The following CEP131 variants were observed in gnomAD, a reference collection of about 807,000 sequenced individuals.
The protein encoded by CEP131 is centrosomal protein of 131 kDa.
A neutral mutation model predicts 136.8 loss-of-function variants in CEP131; 99 were observed. The ratio of observed to expected loss-of-function variants is 0.72; its 90% CI spans 0.62 to 0.86. CEP131 has a LOEUF of 0.86. Ranked by LOEUF, CEP131 falls within the 40% of genes least tolerant of loss-of-function variation. The probability of loss-of-function intolerance (pLI) is 0.00; values close to 1 mark genes in which losing one functional copy is unlikely to be tolerated. For synonymous variants in CEP131, 646 were observed against 612.7 expected, an observed-to-expected ratio of 1.05 and a Z score of -0.80; for missense variants, 1,459 against 1,463.0, an observed-to-expected ratio of 1.00 and a Z score of 0.04.
intron 1 of CEP131, among the ~76,000 whole-genome samples, chr17:81,222,440 G>T (rs2062408217): frequency 6.6e-6 from 1 of 152,178 alleles, no homozygotes; most frequent in Non-Finnish European, 1.5e-5. Flanking sequence ...GCCGGGACTG[G>T]ACTCCATGTT....
chr17:81,212,633 T>C (rs1323510253), intron 2 of CEP131, among the ~76,000 whole-genome samples: 1 of 151,304 alleles, frequency 6.6e-6, no homozygotes, highest in Non-Finnish European at 1.5e-5. Context: ...GCATTGGTGG[T>C]GTTCTTCCCA....
At chr17:81,194,285 C>G (rs763696800) in intron 17 of CEP131, among the ~76,000 whole-genome samples, 158 bp from the exon 18 acceptor site, 1 of 152,170 alleles carries the variant, frequency 6.6e-6, no homozygotes, top group Non-Finnish European at 1.5e-5. Flanking sequence ...TTGACGCCCA[C>G]GAGGTGGGGA....
At chr17:81,209,454 G>A (rs1201597796) in intron 2 of CEP131, among the ~76,000 whole-genome samples, 1 of 152,250 alleles carries the variant, frequency 6.6e-6, no homozygotes, top group Non-Finnish European at 1.5e-5. Flanking sequence ...CTAAGGAGAC[G>A]CAACCAAGAC....
In CEP131 at chr17:81,194,137, G is replaced by A. The variant is rs774509460; in HGVS notation, c.2120-10C>T. On this transcript the variant is annotated splice_polypyrimidine_tract_variant and intron_variant, in intron 17 of 25. Transcript: ENST00000450824. ...ATCTCGGGCTCCAGACCTGGGGGCGGGGCACCAGCTAGGGCCACGTCCAGC... is the reference window on the plus strand; with the variant it reads ...ATCTCGGGCTCCAGACCTGGGGGCGAGGCACCAGCTAGGGCCACGTCCAGC... 3.3e-6 allele frequency: 5 copies of A among 1,511,766 alleles called. No homozygotes were observed. Among genetic ancestry groups the A allele is most frequent in the Non-Finnish European group, 4.4e-6 (5 of 1,131,536 alleles). The allele number at this position is 1,511,766 out of a possible 1,614,324, so 93.6% of individuals were successfully genotyped here.
intron 18 of CEP131, among the ~76,000 whole-genome samples, 169 bp downstream of exon 18, chr17:81,193,757 T>C (rs1198999758): frequency 6.6e-6 from 1 of 152,170 alleles, no homozygotes; most frequent in Non-Finnish European, 1.5e-5. Flanking sequence ...CTGGCCCGGC[T>C]GAGGCTGGGC....
At position 81,196,809 on chromosome 17, in the gene CEP131, G is replaced by A. The variant is rs918852056; in HGVS notation, c.1791C>T (p.Leu597=). Residue 597 remains leucine (L), a synonymous_variant, in exon 15 of 26, where the codon CTC becomes CTT. Coordinates refer to ENST00000450824, the MANE Select transcript of CEP131 (RefSeq NM_014984.4). ...LQRALAQQRD[L]TARRVKETEK... Reference sequence around the variant, plus strand: ...CTGTCTCCTTGACCCGCCGGGCCGTGAGGTCTCGCTGCTGCGCCTGCAGGG... The same window carrying A: ...CTGTCTCCTTGACCCGCCGGGCCGTAAGGTCTCGCTGCTGCGCCTGCAGGG... 3.8e-6 allele frequency: 6 copies of A among 1,593,412 alleles called. No individual in the cohort carries two copies. Among genetic ancestry groups the A allele is most frequent in the Non-Finnish European group, 5.1e-6 (6 of 1,171,446 alleles).
At chr17:81,218,785 T>C (rs2062316567) in intron 2 of CEP131, among the ~76,000 whole-genome samples, 1 of 152,134 alleles carries the variant, frequency 6.6e-6, no homozygotes, top group African/African-American at 2.4e-5. Context: ...AGGAATAACT[T>C]TTTCAAGGAG....
intron 8 of CEP131, 148 bp downstream of exon 8, chr17:81,200,181 C>G: frequency 1.5e-6 from 1 of 688,490 alleles, no homozygotes; most frequent in Non-Finnish European, 2.4e-6. Flanking sequence ...TCCGCGGGGA[C>G]CCAGGGTCAA....
intron 6 of CEP131, among the ~76,000 whole-genome samples, chr17:81,202,999 A>G (rs2061927748): frequency 6.6e-6 from 1 of 152,134 alleles, no homozygotes; most frequent in African/African-American, 2.4e-5. Flanking sequence ...AAAGTTCCCA[A>G]AAGTCACAGG....
chr17:81,194,916 C>T lies in CEP131; in HGVS notation c.2073G>A (p.Lys691=). Residue 691 remains lysine (K), a synonymous_variant, in exon 17 of 26, where the codon AAG becomes AAA. Transcript: ENST00000450824. ...TCTTCTTGGTTTTCTCACTGATCCA[C>T]TTCTCCCGGCGGGCTTTCTCGGTGG... ...MSATEKARRE[K]WISEKTKKIK... is the part of the protein sequence containing the mutation. 6.2e-7 allele frequency: 1 copy of T among 1,613,536 alleles called. No homozygotes were observed. Among genetic ancestry groups the T allele is most frequent in the Non-Finnish European group, 8.5e-7 (1 of 1,179,996 alleles).
In CEP131 at chr17:81,196,494, G is replaced by A. The variant is rs147098837; in HGVS notation, c.1899+207C>T. ...GCAGGACACCCCACTACACTCACAC[G>A]GGGCGGCTCTGGATAAAGACAGGAG... is the stretch of plus-strand genomic sequence containing the variant. On this transcript the variant is annotated intron_variant, in intron 15 of 25. Transcript: ENST00000450824. Among the ~76,000 whole-genome samples the A allele has an allele frequency of 4.6e-5, 7 of 152,334 alleles. No homozygotes were observed. In the East Asian group the frequency reaches 5.8e-4, roughly 13 times the overall value.
intron 4 of CEP131, 22 bp downstream of exon 4, chr17:81,207,103 G>T: frequency 1.9e-6 from 3 of 1,600,518 alleles, no homozygotes; most frequent in Non-Finnish European, 2.6e-6. Context: ...ACCAGGACGT[G>T]GGGCCGCATG....
At chr17:81,202,425 G>A (rs201196937) in intron 6 of CEP131, 27 bp from the exon 7 acceptor site, 9 of 1,606,188 alleles carry the variant, frequency 5.6e-6, no homozygotes, top group East Asian at 4.5e-5. Flanking sequence ...AAACACCCTC[G>A]TCTCACCGCC....
Position 81,203,781 on chromosome 17 carries a change from T to A in CEP131, c.516-174A>T. 1.7e-6 allele frequency: 1 copy of A among 590,114 alleles called. No individual in the cohort carries two copies. The highest frequency in any genetic ancestry group is 2.8e-5 in the East Asian group (1 of 35,114). 36.6% of individuals were successfully genotyped at this position (590,114 alleles called of 1,614,324 possible). On this transcript the variant is annotated intron_variant, in intron 5 of 25. Transcript: ENST00000450824. This position sits in a 1 kb window ranked among gnomAD's most constrained non-coding sequence, Gnocchi z 4.6. ...GCCCCTTCCACAGCCTGCGCCCTGA[T>A]GATGGGGTTCTTCCCAGGACAGGAA...
intron 2 of CEP131, among the ~76,000 whole-genome samples, chr17:81,217,895 G>A (rs1000802634): frequency 1.3e-5 from 2 of 152,138 alleles, no homozygotes; most frequent in African/African-American, 4.8e-5. Flanking sequence ...TGGGTCGGCC[G>A]CGGATAGAGC....
At chr17:81,214,449 G>C (rs1020541842) in intron 2 of CEP131, among the ~76,000 whole-genome samples, 1 of 152,134 alleles carries the variant, frequency 6.6e-6, no homozygotes, top group Non-Finnish European at 1.5e-5. Flanking sequence ...CCAGCTACTC[G>C]GGAGGCTGAG....
intron 5 of CEP131, among the ~76,000 whole-genome samples, chr17:81,205,191 G>A (rs748426890): frequency 2.3e-4 from 35 of 150,012 alleles, no homozygotes; most frequent in Non-Finnish European, 4.6e-4. Flanking sequence ...CCCGGGAAGC[G>A]GAGGTTGCGG....
intron 2 of CEP131, among the ~76,000 whole-genome samples, chr17:81,212,448 T>G (rs2062154410): frequency 6.6e-6 from 1 of 152,004 alleles, no homozygotes; most frequent in Non-Finnish European, 1.5e-5. Context: ...GTGGGGCCCG[T>G]GCAGAGGGAC....
At position 81,207,138 on chromosome 17, in the gene CEP131, G is replaced by A. The variant is rs1216971482; in HGVS notation, c.374C>T (p.Thr125Ile). 2 of 1,612,726 alleles carry A rather than the reference G, an allele frequency of 1.2e-6. No homozygotes were observed. The highest frequency in any genetic ancestry group is 1.7e-6 in the Non-Finnish European group (2 of 1,179,714). The part of the protein sequence containing the change: ...LSTAPSEKGA[T>I]WNVLDDQPRG... Reference sequence around the variant, plus strand: ...GCACCACCTTACCAGGACGTTCCAGGTGGCTCCCTTCTCGCTGGGGGCTGT... The same window carrying A: ...GCACCACCTTACCAGGACGTTCCAGATGGCTCCCTTCTCGCTGGGGGCTGT... Residue 125 changes from threonine to isoleucine, a missense_variant, in exon 4 of 26, where the codon ACC becomes ATC. This residue lies in a region of CEP131 where 187 missense variants were observed against 179.9 expected (regional missense o/e 1.04). Coordinates refer to ENST00000450824, the MANE Select transcript of CEP131 (RefSeq NM_014984.4).
Sources: gnomAD v4.1 joint callset for allele counts (sites outside exome capture counted in the v4.1 genomes callset) on GRCh38, gnomAD v4.1.1 for gene constraint, gnomAD v4.1.1 regional missense constraint, Gnocchi (gnomAD v3.1) non-coding constraint, MANE v1.5 for transcripts, NCBI Gene and HGNC (gene_info 2026-07-23, HGNC 2026-07-21) for gene names.